The following GRIA3 variants were observed in gnomAD, a reference collection of about 807,000 sequenced individuals.
GRIA3 encodes the protein glutamate receptor 3.
GRIA3 carries 3 observed loss-of-function variants against 63.0 expected under a neutral mutation model. The observed-to-expected ratio is 0.05, with a 90% CI of 0.02 to 0.12. The LOEUF (loss-of-function observed/expected upper bound fraction) is 0.12. GRIA3 is among the 10% of genes least tolerant of loss of function. GRIA3 has a pLI of 1.00. For missense variants in GRIA3, 347 were observed against 700.9 expected (o/e 0.50, Z 5.70); for synonymous variants, 274 against 257.9 (o/e 1.06, Z -0.60).
chrX:123,332,995 C>T (rs186148460), intron 4 of GRIA3, among the ~76,000 whole-genome samples: 2 of 111,314 alleles, frequency 1.8e-5, no homozygotes. Flanking sequence ...GTCTCTGTGT[C>T]CTCCATGACA....
chrX:123,360,768 C>G (rs1020497443), intron 5 of GRIA3, among the ~76,000 whole-genome samples: 4 of 102,223 alleles, frequency 3.9e-5, no homozygotes, highest in Non-Finnish European at 7.9e-5. Context: ...CCAACATGAA[C>G]TGTATCTTAA....
chrX:123,267,541 T>A (rs1056686635), intron 3 of GRIA3, among the ~76,000 whole-genome samples: 5 of 111,959 alleles, frequency 4.5e-5, no homozygotes, highest in Admixed American at 9.5e-5. Flanking sequence ...CCACATGAAT[T>A]CTCTAAAGAC....
rs1296517147 is a variant in GRIA3 at position 123,203,152 on chromosome X, T to C, written c.268+17162T>C. Among the ~76,000 whole-genome samples, 8 of 111,896 alleles carry C rather than the reference T, an allele frequency of 7.1e-5. No individual in the cohort carries two copies. In the Admixed American group the frequency reaches 7.6e-4, roughly 11 times the overall value. ...CCTCAGTGAATGAGTCCTGAAGATATACATGGTCTCAGAACTGTGATTGTG... is the reference window on the plus strand; with the variant it reads ...CCTCAGTGAATGAGTCCTGAAGATACACATGGTCTCAGAACTGTGATTGTG... On this transcript the variant is annotated intron_variant, in intron 2 of 15. Transcript: ENST00000620443.
intron 12 of GRIA3, among the ~76,000 whole-genome samples, chrX:123,448,851 T>A (rs2147417078): frequency 8.9e-6 from 1 of 111,973 alleles, no homozygotes; most frequent in South Asian, 3.8e-4. Context: ...CTGATACAAC[T>A]ATGGAATTGG....
At chrX:123,285,577 C>CAAAA (rs59101106) in intron 3 of GRIA3, among the ~76,000 whole-genome samples, 9 of 10,166 alleles carry the variant, frequency 8.9e-4, no homozygotes, top group East Asian at 4.4e-3. Context: ...AAATGAAAAG[C>CAAAA]AAAAAAAAAA....
At chrX:123,283,265 C>T (rs2044597491) in intron 3 of GRIA3, among the ~76,000 whole-genome samples, 2 of 111,807 alleles carry the variant, frequency 1.8e-5, no homozygotes, top group South Asian at 7.6e-4. Context: ...CAGGAGATTC[C>T]CTCGGGTGCC....
rs773628128 is a variant in GRIA3 at position 123,482,940 on chromosome X, A to G, written c.2581A>G (p.Lys861Glu). 3.3e-6 allele frequency: 4 copies of G among 1,209,932 alleles called. No individual in the cohort carries two copies. The South Asian group carries it at 7.0e-5, about 21-fold the overall frequency. The change falls in exon 15 of 16, where the codon AAG becomes GAG. Residue 861 changes from lysine to glutamate, a missense_variant. Around this residue, in one of 8 missense-constraint regions of GRIA3, gnomAD observed 29 missense variants for 46.7 expected, o/e 0.62. Transcript: ENST00000620443. Reference protein sequence around the residue: ...RAESKRMKLTKNTQNFKPAPA... With the variant: ...RAESKRMKLTENTQNFKPAPA... ...AGAGTCCAAACGCATGAAACTCACAAAGAACACCCAAAACTTTAAGCCTGC... is the reference window on the plus strand; with the variant it reads ...AGAGTCCAAACGCATGAAACTCACAGAGAACACCCAAAACTTTAAGCCTGC...
At chrX:123,222,339 T>C (rs1160290177) in intron 2 of GRIA3, among the ~76,000 whole-genome samples, 3 of 112,495 alleles carry the variant, frequency 2.7e-5, no homozygotes, top group Admixed American at 9.4e-5. Context: ...AGTATGTCCT[T>C]AATGTCTTCA....
rs201671126 is a variant in GRIA3 at position 123,292,601 on chromosome X, A to G, written c.509-33425A>G. The stretch of plus-strand genomic sequence containing the variant: ...ATTCTCTCTCCAAGGAAAGATAAAT[A>G]AACGGCTCTCACAAAAGAACGAGTC... On this transcript the variant is annotated intron_variant, in intron 3 of 15. Coordinates refer to ENST00000620443, the MANE Select transcript of GRIA3 (RefSeq NM_007325.5). 4.5e-5 allele frequency among the ~76,000 whole-genome samples: 5 copies of G among 111,813 alleles called. No homozygotes were observed. In the East Asian group the frequency reaches 1.4e-3, roughly 32 times the overall value.
At chrX:123,200,592 C>T (rs901384888) in intron 2 of GRIA3, among the ~76,000 whole-genome samples, 1 of 85,478 alleles carries the variant, frequency 1.2e-5, no homozygotes, top group African/African-American at 4.4e-5. Context: ...TATACATATA[C>T]ACACACACAC....
chrX:123,187,922 A>G (rs1440146068), intron 2 of GRIA3, among the ~76,000 whole-genome samples: 1 of 111,743 alleles, frequency 8.9e-6, no homozygotes, highest in Non-Finnish European at 1.9e-5. Flanking sequence ...CTCTCAGGGC[A>G]ATAAGAGAAC....
At chrX:123,298,915 T>C (rs1448663626) in intron 3 of GRIA3, among the ~76,000 whole-genome samples, 1 of 109,741 alleles carries the variant, frequency 9.1e-6, no homozygotes, top group Non-Finnish European at 1.9e-5. Flanking sequence ...TTTTATGGTG[T>C]AAGGAGTCCA....
intron 5 of GRIA3, among the ~76,000 whole-genome samples, chrX:123,369,362 C>A (rs1358551133): frequency 1.8e-5 from 2 of 112,208 alleles, no homozygotes; most frequent in Non-Finnish European, 3.8e-5. Context: ...TAGTCAAGTG[C>A]AGCAGTGGGA....
At chrX:123,483,788 C>T (rs113086522) in intron 15 of GRIA3, among the ~76,000 whole-genome samples, 14,141 of 110,751 alleles carry the variant, frequency 0.13, 747 homozygotes, top group Non-Finnish European at 0.16. Flanking sequence ...AAAAATTAGG[C>T]GGGCATAGTG....
chrX:123,445,445 T>C (rs1221408975), intron 12 of GRIA3, among the ~76,000 whole-genome samples: 2 of 112,241 alleles, frequency 1.8e-5, no homozygotes, highest in Non-Finnish European at 3.8e-5. Flanking sequence ...TGCAGTACAG[T>C]ATCCATTGTA....
At chrX:123,194,094 T>G (rs186346948) in intron 2 of GRIA3, among the ~76,000 whole-genome samples, 99 of 111,369 alleles carry the variant, frequency 8.9e-4, no homozygotes, top group African/African-American at 3.0e-3. Context: ...TTGACCGAAG[T>G]CATACCCTTC....
chrX:123,479,847 G>T (rs2045904229), intron 13 of GRIA3, among the ~76,000 whole-genome samples: 1 of 111,799 alleles, frequency 8.9e-6, no homozygotes. Context: ...AGTGTGTGCC[G>T]ATTACTCAAA....
At chrX:123,262,988 C>A (rs2044468720) in intron 3 of GRIA3, among the ~76,000 whole-genome samples, 1 of 111,569 alleles carries the variant, frequency 9.0e-6, no homozygotes, top group Non-Finnish European at 1.9e-5. Flanking sequence ...AACAATGTTC[C>A]TTTTACTAAA....
At chrX:123,398,062 T>C (rs181737815) in intron 6 of GRIA3, among the ~76,000 whole-genome samples, 14 of 112,045 alleles carry the variant, frequency 1.2e-4, no homozygotes, top group Non-Finnish European at 5.6e-5. Flanking sequence ...TTTTCTACAA[T>C]TGAAAAACAG....
Sources: gnomAD v4.1 joint callset for allele counts (sites outside exome capture counted in the v4.1 genomes callset) on GRCh38, gnomAD v4.1.1 for gene constraint, gnomAD v4.1.1 regional missense constraint, MANE v1.5 for transcripts, NCBI Gene and HGNC (gene_info 2026-07-23, HGNC 2026-07-21) for gene names.